Variants in ACYP2 observed in about 807,000 individuals in gnomAD.
The protein encoded by ACYP2 is acylphosphatase-2.
In ACYP2, 12 loss-of-function variants were observed where a neutral mutation model predicts 11.2. The observed-to-expected ratio is 1.08, with a 90% CI of 0.69 to 1.74. The LOEUF is 1.74. Among genes scored for constraint, ACYP2 ranks in the 40% most tolerant of loss-of-function variants. The pLI is 0.00. For missense variants in ACYP2, 134 were observed against 101.9 expected (o/e 1.31, Z -1.35); for synonymous variants, 43 against 32.2 (o/e 1.33, Z -1.13).
chr2:54,051,297 A>G (rs1432743368), intron 3 of ACYP2: 2 of 770,402 alleles, frequency 2.6e-6, no homozygotes, highest in African/African-American at 1.7e-5. Flanking sequence ...CATAAGAAGC[A>G]GCAGCCAGAT....
At chr2:54,204,329 C>T (rs1304260567) in intron 6 of ACYP2, among the ~76,000 whole-genome samples, 1 of 149,366 alleles carries the variant, frequency 6.7e-6, no homozygotes, top group Non-Finnish European at 1.5e-5. Flanking sequence ...TTTTTTTCAG[C>T]TCATCAGCTG....
At chr2:53,982,985 A>G (rs1016222415) in intron 2 of ACYP2, among the ~76,000 whole-genome samples, 3 of 152,042 alleles carry the variant, frequency 2.0e-5, no homozygotes, top group East Asian at 1.9e-4. Context: ...CATGGGTCCT[A>G]TTATCATGGA....
At chr2:54,086,706 T>A (rs1358853402) in intron 4 of ACYP2, among the ~76,000 whole-genome samples, 4 of 152,208 alleles carry the variant, frequency 2.6e-5, no homozygotes, top group Admixed American at 6.6e-5. Flanking sequence ...CGCTAGTGCG[T>A]GTTTGCTAGG....
At chr2:54,176,796 GT>G (rs1383288515) in intron 6 of ACYP2, among the ~76,000 whole-genome samples, 1 of 152,162 alleles carries the variant, frequency 6.6e-6, no homozygotes, top group African/African-American at 2.4e-5. Context: ...CCAAGAATCT[GT>G]TGTTGAGAGG....
chr2:54,055,978 A>T (rs1019718477), intron 3 of ACYP2, among the ~76,000 whole-genome samples: 12 of 152,360 alleles, frequency 7.9e-5, no homozygotes, highest in Non-Finnish European at 1.3e-4. Context: ...TACTGTAAAT[A>T]GATTTCTTTC....
chr2:54,210,048 G>A (rs1018900026), intron 6 of ACYP2, among the ~76,000 whole-genome samples: 1 of 151,022 alleles, frequency 6.6e-6, no homozygotes, highest in Admixed American at 6.6e-5. Context: ...GGCTGAGGCA[G>A]GAGAATTGCT....
At chr2:54,234,598 G>A (rs1202902423) in intron 6 of ACYP2, among the ~76,000 whole-genome samples, 1 of 152,222 alleles carries the variant, frequency 6.6e-6, no homozygotes, top group Non-Finnish European at 1.5e-5. Context: ...AATTGTGTAA[G>A]CTGAACCAAT....
At chr2:54,212,327 T>C (rs1685360994) in intron 6 of ACYP2, among the ~76,000 whole-genome samples, 4 of 152,204 alleles carry the variant, frequency 2.6e-5, no homozygotes, top group African/African-American at 9.7e-5. Context: ...TAGTAAATAA[T>C]TGTCATAGAT....
At chr2:54,054,252 CCTT>C (rs1299842281) in intron 3 of ACYP2, among the ~76,000 whole-genome samples, 7 of 152,162 alleles carry the variant, frequency 4.6e-5, no homozygotes, top group South Asian at 2.1e-4. Flanking sequence ...GTAAAATTCA[CCTT>C]CTTTTCATTG....
At chr2:54,183,034 G>A (rs1434691814) in intron 6 of ACYP2, among the ~76,000 whole-genome samples, 3 of 152,058 alleles carry the variant, frequency 2.0e-5, no homozygotes, top group African/African-American at 2.4e-5. Flanking sequence ...TAACATAAAC[G>A]GCCCACGATC....
chr2:54,157,933 G>T (rs965481363), intron 6 of ACYP2, among the ~76,000 whole-genome samples: 5 of 152,198 alleles, frequency 3.3e-5, no homozygotes. Flanking sequence ...TCATCTGCCT[G>T]GTGCAGGCAT....
chr2:54,027,584 T>A (rs1558480390), intron 2 of ACYP2, among the ~76,000 whole-genome samples: 1 of 152,236 alleles, frequency 6.6e-6, no homozygotes. Context: ...AATTTTGTTA[T>A]GCTTTTCTCT....
chr2:54,233,840 TA>T (rs1336812249), intron 6 of ACYP2, among the ~76,000 whole-genome samples: 2 of 152,156 alleles, frequency 1.3e-5, no homozygotes, highest in Non-Finnish European at 2.9e-5. Flanking sequence ...AATTAAAAGA[TA>T]AAAAGAAAAA....
At chr2:54,262,249 G>A (rs886814249) in intron 6 of ACYP2, among the ~76,000 whole-genome samples, 1 of 152,146 alleles carries the variant, frequency 6.6e-6, no homozygotes, top group African/African-American at 2.4e-5. Context: ...CGATACAGGA[G>A]CAAAATGATG....
intron 2 of ACYP2, among the ~76,000 whole-genome samples, chr2:54,024,263 G>A (rs1674159138): frequency 1.3e-5 from 2 of 151,996 alleles, no homozygotes; most frequent in South Asian, 4.2e-4. Flanking sequence ...CTACTCAGGA[G>A]GCTGATGCAG....
At chr2:54,217,409 C>G (rs976879216) in intron 6 of ACYP2, among the ~76,000 whole-genome samples, 3 of 152,150 alleles carry the variant, frequency 2.0e-5, no homozygotes, top group African/African-American at 4.8e-5. Flanking sequence ...CTCTGTCACC[C>G]AGGCTGGAGT....
intron 4 of ACYP2, among the ~76,000 whole-genome samples, chr2:54,090,019 A>T (rs1678141495): frequency 6.6e-6 from 1 of 151,194 alleles, no homozygotes; most frequent in Non-Finnish European, 1.5e-5. Flanking sequence ...GGTGGCGGGC[A>T]CCTGTAATCC....
chr2:54,153,130 T>G (rs1367950180), intron 6 of ACYP2, among the ~76,000 whole-genome samples: 5 of 152,206 alleles, frequency 3.3e-5, no homozygotes, highest in Non-Finnish European at 7.3e-5. Flanking sequence ...CTTTAATCCA[T>G]TTCGAGTTGT....
At chr2:54,209,531 C>T (rs568310834) in intron 6 of ACYP2, among the ~76,000 whole-genome samples, 3 of 152,204 alleles carry the variant, frequency 2.0e-5, no homozygotes, top group South Asian at 4.1e-4. Context: ...TTTCTTTGGA[C>T]CAGACTAGAA....
Sources: allele counts gnomAD v4.1 joint callset (sites outside exome capture counted in the v4.1 genomes callset), GRCh38; gene constraint gnomAD v4.1.1; transcripts MANE v1.5; gene names NCBI Gene and HGNC (gene_info 2026-07-23, HGNC 2026-07-21).